RIMS2: variants seen among roughly 807,000 people sequenced by gnomAD.
RIMS2 encodes regulating synaptic membrane exocytosis 2, also known as regulating synaptic membrane exocytosis protein 2.
A neutral mutation model predicts 174.4 loss-of-function variants in RIMS2; 59 were observed. That is an observed-to-expected ratio of 0.34 (90% CI 0.27 to 0.42). The LOEUF (loss-of-function observed/expected upper bound fraction) is 0.42. Among genes scored for constraint, RIMS2 ranks in the 10% least tolerant of loss-of-function variants. The probability of loss-of-function intolerance (pLI) is 1.00; values close to 1 mark genes in which losing one functional copy is unlikely to be tolerated. For synonymous variants in RIMS2, 606 were observed against 572.5 expected (o/e 1.06, Z -0.84); for missense variants, 1,620 against 1,666.3 (o/e 0.97, Z 0.48).
At position 104,020,408 on chromosome 8, in the gene RIMS2, G is replaced by A. The variant is rs541368751; in HGVS notation, c.3334+5793G>A. Among the ~76,000 whole-genome samples the A allele has an allele frequency of 3.9e-5, 6 of 152,038 alleles. No individual in the cohort carries two copies. The South Asian group carries it at 1.2e-3, about 32-fold the overall frequency. On this transcript the variant is annotated intron_variant, in intron 19 of 23. Coordinates refer to ENST00000504942, the Ensembl canonical transcript of RIMS2. Reference sequence around the variant, plus strand: ...CCATACTGACATTTGTAATATATTTGAATATGCTTTTTAAAATAAGCATAA... The same window carrying A: ...CCATACTGACATTTGTAATATATTTAAATATGCTTTTTAAAATAAGCATAA...
intron 19 of RIMS2, among the ~76,000 whole-genome samples, chr8:104,150,469 G>A (rs1441468935): frequency 6.6e-6 from 1 of 152,086 alleles, no homozygotes; most frequent in East Asian, 1.9e-4. Flanking sequence ...TTACACAGAT[G>A]GTACACTGGA....
At chr8:103,886,439 A>T (rs955107886) in intron 4 of RIMS2, among the ~76,000 whole-genome samples, 1 of 151,960 alleles carries the variant, frequency 6.6e-6, no homozygotes, top group East Asian at 1.9e-4. Flanking sequence ...ATTGATTTTT[A>T]AAAATTGCCT....
chr8:103,615,412 G>A (rs192247538), intron 1 of RIMS2, among the ~76,000 whole-genome samples: 110 of 152,106 alleles, frequency 7.2e-4, no homozygotes, highest in Admixed American at 1.3e-3. Flanking sequence ...ACTAAATGCC[G>A]ACATCAAAAA....
chr8:103,848,800 C>G (rs909731942), intron 3 of RIMS2, among the ~76,000 whole-genome samples: 1 of 151,966 alleles, frequency 6.6e-6, no homozygotes, highest in African/African-American at 2.4e-5. Context: ...AGAAGATTTG[C>G]TTAGGCTGAG....
chr8:104,224,883 T>G (rs1043598279), intron 19 of RIMS2, among the ~76,000 whole-genome samples: 2 of 152,242 alleles, frequency 1.3e-5, no homozygotes, highest in African/African-American at 4.8e-5. Context: ...TCCAAGTTTC[T>G]TCTAGGTTAT....
chr8:104,236,602 GT>G (rs1459667920), intron 19 of RIMS2, among the ~76,000 whole-genome samples: 1 of 151,928 alleles, frequency 6.6e-6, no homozygotes, highest in Non-Finnish European at 1.5e-5. Context: ...CTATAGACAA[GT>G]ATTTTCAATT....
intron 19 of RIMS2, among the ~76,000 whole-genome samples, chr8:104,154,685 A>G (rs1003327586): frequency 6.6e-6 from 1 of 152,200 alleles, no homozygotes; most frequent in Non-Finnish European, 1.5e-5. Flanking sequence ...AGTGGAGATC[A>G]TTGGTTGTAA....
chr8:103,572,240 T>C (rs1349886817), intron 1 of RIMS2, among the ~76,000 whole-genome samples: 1 of 152,162 alleles, frequency 6.6e-6, no homozygotes, highest in Admixed American at 6.5e-5. Flanking sequence ...TAAGATTTAT[T>C]GTGAAGAGCG....
intron 1 of RIMS2, among the ~76,000 whole-genome samples, chr8:103,618,866 A>G (rs1413679625): frequency 6.6e-6 from 1 of 152,016 alleles, no homozygotes; most frequent in Non-Finnish European, 1.5e-5. Flanking sequence ...ACCTATTTTC[A>G]CTCGTGGTTG....
At chr8:103,760,857 AT>A (rs1291894693) in intron 2 of RIMS2, among the ~76,000 whole-genome samples, 1 of 152,236 alleles carries the variant, frequency 6.6e-6, no homozygotes, top group African/African-American at 2.4e-5. Context: ...TATAGTAGCC[AT>A]TTAGTAAATA....
At chr8:103,866,536 C>G (rs2154505622) in intron 3 of RIMS2, among the ~76,000 whole-genome samples, 1 of 152,158 alleles carries the variant, frequency 6.6e-6, no homozygotes, top group East Asian at 1.9e-4. Flanking sequence ...CTCTGCATAA[C>G]AAACGATATT....
At chr8:104,013,033 A>G (rs963665705) in intron 17 of RIMS2, among the ~76,000 whole-genome samples, 2 of 152,186 alleles carry the variant, frequency 1.3e-5, no homozygotes, top group Non-Finnish European at 2.9e-5. Flanking sequence ...TAGTTGGTAT[A>G]GTACTAAACA....
rs2086385564 is a variant in RIMS2, at chr8:103,954,251, C to T, written c.2702-6814C>T. Among the ~76,000 whole-genome samples the T allele has an allele frequency of 2.0e-5, 3 of 151,982 alleles. No individual in the cohort carries two copies. In the South Asian group the frequency reaches 6.2e-4, roughly 32 times the overall value. On this transcript the variant is annotated intron_variant, in intron 14 of 23. Coordinates refer to ENST00000504942, the Ensembl canonical transcript of RIMS2. ...CTTGAACCCAACTCTGACCAAGCGG[C>T]CTAATAGACATCTACAGAACTCTCC...
At position 103,746,446 on chromosome 8, in the gene RIMS2, T is replaced by C. The variant is rs568390893; in HGVS notation, c.388-19781T>C. Among the ~76,000 whole-genome samples the C allele has an allele frequency of 2.6e-5, 4 of 152,284 alleles. No individual in the cohort carries two copies. In the East Asian group the frequency reaches 7.7e-4, roughly 29 times the overall value. On this transcript the variant is annotated intron_variant, in intron 2 of 23. Transcript: ENST00000504942. ...TTTTAAAGACTAGCTGTATTTATTTTATTCTATTTATTTTTAAGTTTTAGG... is the reference window on the plus strand; with the variant it reads ...TTTTAAAGACTAGCTGTATTTATTTCATTCTATTTATTTTTAAGTTTTAGG...
chr8:103,831,732 A>C (rs190801802), intron 3 of RIMS2, among the ~76,000 whole-genome samples: 2 of 152,304 alleles, frequency 1.3e-5, no homozygotes, highest in Non-Finnish European at 2.9e-5. Flanking sequence ...GTGGTATTAC[A>C]AGCTTCATTA....
At chr8:103,891,528 A>G (rs1337657137) in intron 4 of RIMS2, among the ~76,000 whole-genome samples, 2 of 152,062 alleles carry the variant, frequency 1.3e-5, no homozygotes, top group Admixed American at 6.6e-5. Context: ...CAACTGCACA[A>G]AAGATGCCCC....
At chr8:103,808,830 T>C (rs1231976951) in intron 3 of RIMS2, among the ~76,000 whole-genome samples, 1 of 152,178 alleles carries the variant, frequency 6.6e-6, no homozygotes, top group Non-Finnish European at 1.5e-5. Context: ...GCCTGGACTA[T>C]TACATTAGCT....
At chr8:103,500,664 G>A (rs1020242962), upstream of RIMS2, 12 of 484,006 alleles carry the variant, frequency 2.5e-5, no homozygotes, top group Non-Finnish European at 4.4e-5. Context: ...CCGGGAAGAA[G>A]AAACATTTCC....
rs138968286 is a variant in RIMS2, at chr8:104,124,002, G to T, written c.3334+109387G>T. 1.1e-3 allele frequency among the ~76,000 whole-genome samples: 173 copies of T among 152,072 alleles called. 3 individuals are homozygous for T. The East Asian group carries it at 0.03, about 26-fold the overall frequency. ...TATATGTGGAATCAACAACAAAAGT[G>T]GACCTGTGCAATTACACCAACTGCT... is the stretch of plus-strand genomic sequence containing the variant. On this transcript the variant is annotated intron_variant, in intron 19 of 23. Coordinates refer to ENST00000504942, the Ensembl canonical transcript of RIMS2.
Sources: gnomAD v4.1 joint callset for allele counts (sites outside exome capture counted in the v4.1 genomes callset) on GRCh38, gnomAD v4.1.1 for gene constraint, MANE v1.5 for transcripts, NCBI Gene and HGNC (gene_info 2026-07-23, HGNC 2026-07-21) for gene names.